RAB20: variants seen among roughly 807,000 people sequenced by gnomAD.
The protein encoded by RAB20 is RAB20, member RAS oncogene family.
In RAB20, 2 loss-of-function variants were observed where a neutral mutation model predicts 3.7. The observed-to-expected ratio is 0.54, with a 90% CI of 0.22 to 1.69. The LOEUF (loss-of-function observed/expected upper bound fraction) is 1.69, where lower values mean the gene tolerates loss of function less well. Ranked by LOEUF, RAB20 falls within the 40% of genes most tolerant of loss-of-function variation. RAB20 has a pLI of 0.19. For missense variants in RAB20, 276 were observed against 311.9 expected, an observed-to-expected ratio of 0.88 and a Z score of 0.87; for synonymous variants, 126 against 130.8, an observed-to-expected ratio of 0.96 and a Z score of 0.25.
intron 1 of RAB20, among the ~76,000 whole-genome samples, chr13:110,524,929 G>C (rs974465336): frequency 8.5e-5 from 13 of 152,248 alleles, no homozygotes; most frequent in Non-Finnish European, 1.3e-4. Context: ...GTTTAAAACA[G>C]ACAGAGGTGC....
intron 1 of RAB20, among the ~76,000 whole-genome samples, chr13:110,542,557 C>G (rs879863358): frequency 1.3e-5 from 2 of 152,186 alleles, no homozygotes; most frequent in Non-Finnish European, 2.9e-5. Flanking sequence ...TGTTCAGATG[C>G]CAGGCATCAG....
intron 1 of RAB20, among the ~76,000 whole-genome samples, chr13:110,526,189 C>CGAGT (rs1566582555): frequency 1.0e-5 from 1 of 100,070 alleles, no homozygotes; most frequent in Admixed American, 9.0e-5. Context: ...GAGCTGGGAA[C>CGAGT]GACTGACAGC....
At position 110,533,203 on chromosome 13, in the gene RAB20, C is replaced by T. The variant is rs933656494; in HGVS notation, c.173-9006G>A. On this transcript the variant is annotated intron_variant, in intron 1 of 1. Coordinates refer to ENST00000267328, the MANE Select transcript of RAB20 (RefSeq NM_017817.3). ...CATCAGAGATTGTTCAAAAACACCA[C>T]GACATGCTTTCTCCAGTGTTTGCAG... 2.6e-5 allele frequency among the ~76,000 whole-genome samples: 4 copies of T among 152,232 alleles called. No homozygotes were observed. The South Asian group carries it at 6.2e-4, about 24-fold the overall frequency.
chr13:110,538,628 GA>G (rs1354213256), intron 1 of RAB20, among the ~76,000 whole-genome samples: 2 of 142,330 alleles, frequency 1.4e-5, no homozygotes, highest in South Asian at 2.3e-4. Flanking sequence ...AGAAAGAAAA[GA>G]AAAGAAAAGA....
chr13:110,539,852 GC>G (rs1243925393), intron 1 of RAB20, among the ~76,000 whole-genome samples: 7 of 152,222 alleles, frequency 4.6e-5, no homozygotes, highest in South Asian at 2.1e-4. Flanking sequence ...GAGCCACCGC[GC>G]CCGGCCACAT....
At chr13:110,533,436 A>T (rs1437776881) in intron 1 of RAB20, among the ~76,000 whole-genome samples, 1 of 152,192 alleles carries the variant, frequency 6.6e-6, no homozygotes, top group African/African-American at 2.4e-5. Flanking sequence ...TAATCCTAGC[A>T]CTTCAGAAGG....
At chr13:110,544,034 C>T (rs76900541) in intron 1 of RAB20, among the ~76,000 whole-genome samples, 2,144 of 152,196 alleles carry the variant, frequency 0.014, 43 homozygotes, top group African/African-American at 0.049. Context: ...ACGTCAGCCT[C>T]CCAAAATGCT....
chr13:110,537,921 C>G (rs1428732246), intron 1 of RAB20, among the ~76,000 whole-genome samples: 1 of 152,096 alleles, frequency 6.6e-6, no homozygotes, highest in Non-Finnish European at 1.5e-5. Flanking sequence ...GGCTCCTATT[C>G]CCAACAACCA....
rs777822149 is a variant in RAB20, at chr13:110,561,421, C to G, written c.99G>C (p.Thr33=). The G allele has an allele frequency of 6.9e-5, 111 of 1,609,852 alleles. No individual in the cohort carries two copies. Among genetic ancestry groups the G allele is most frequent in the Non-Finnish European group, 8.9e-5 (105 of 1,178,128 alleles). The part of the protein sequence containing the change: ...QRYMERRFPD[T]VSTVGGAFYL... Reference sequence around the variant, plus strand: ...AGAAGGCGCCGCCCACCGTGCTGACCGTGTCCGGGAAGCGCCGCTCCATAT... The same window carrying G: ...AGAAGGCGCCGCCCACCGTGCTGACGGTGTCCGGGAAGCGCCGCTCCATAT... Residue 33 remains threonine, a synonymous_variant, in exon 1 of 2, where the codon ACG becomes ACC. Coordinates refer to ENST00000267328, the MANE Select transcript of RAB20 (RefSeq NM_017817.3).
rs1885127508 is a variant in RAB20, at chr13:110,561,361, G to A, written c.159C>T (p.Ile53=). Residue 53 remains isoleucine, a synonymous_variant, in exon 1 of 2, where the codon ATC becomes ATT. Coordinates refer to ENST00000267328, the MANE Select transcript of RAB20 (RefSeq NM_017817.3). ...CGCCGGCCTCACCTGCGGTGTCCCA[G>A]ATGGAGATGTTGTAGGAGCGCCACT... ...LKQWRSYNIS[I]WDTAGREQFH... 1 of 1,606,334 alleles carries A rather than the reference G, an allele frequency of 6.2e-7. No individual in the cohort carries two copies. The highest frequency in any genetic ancestry group is 1.3e-5 in the African/African-American group (1 of 74,164).
chr13:110,535,433 CAT>C (rs901884282), intron 1 of RAB20, among the ~76,000 whole-genome samples: 13 of 152,274 alleles, frequency 8.5e-5, no homozygotes, highest in African/African-American at 2.7e-4. Flanking sequence ...ATAAATAACA[CAT>C]GAGGCTAATT....
In RAB20 at chr13:110,523,588, G is replaced by A. The variant is rs1037330502; in HGVS notation, c.*77C>T. The stretch of plus-strand genomic sequence containing the variant: ...GGAAAATAATTCCTTGCTGTTCCTT[G>A]CTCCTTTCAGATCACAGCTTGCCTG... On this transcript the variant is annotated 3_prime_UTR_variant, in exon 2 of 2. Coordinates refer to ENST00000267328, the MANE Select transcript of RAB20 (RefSeq NM_017817.3). 1 of 1,545,042 alleles carries A rather than the reference G, an allele frequency of 6.5e-7. No individual in the cohort carries two copies. The highest frequency in any genetic ancestry group is 8.7e-7 in the Non-Finnish European group (1 of 1,145,930).
At chr13:110,550,358 C>A (rs1226825928) in intron 1 of RAB20, among the ~76,000 whole-genome samples, 3 of 152,170 alleles carry the variant, frequency 2.0e-5, no homozygotes, top group Non-Finnish European at 4.4e-5. Context: ...CGTTTCCCAG[C>A]AAATTAATTG....
chr13:110,540,636 G>C (rs1462338787), intron 1 of RAB20, among the ~76,000 whole-genome samples: 2 of 151,952 alleles, frequency 1.3e-5, no homozygotes, highest in Non-Finnish European at 2.9e-5. Context: ...CAGCTACTCG[G>C]GAGGCTGAGG....
intron 1 of RAB20, among the ~76,000 whole-genome samples, chr13:110,549,459 C>A (rs1009029457): frequency 1.4e-4 from 21 of 146,920 alleles, no homozygotes; most frequent in African/African-American, 5.5e-4. Context: ...ATTCTTACAG[C>A]CATTGTTACA....
At chr13:110,558,874 G>A (rs1015793644) in intron 1 of RAB20, among the ~76,000 whole-genome samples, 2 of 151,070 alleles carry the variant, frequency 1.3e-5, no homozygotes, top group Admixed American at 1.3e-4. Flanking sequence ...ACTTTTGTAT[G>A]TTTAGTAGAG....
intron 1 of RAB20, among the ~76,000 whole-genome samples, chr13:110,554,586 G>A (rs1302831311): frequency 6.6e-6 from 1 of 152,138 alleles, no homozygotes; most frequent in East Asian, 1.9e-4. Context: ...TCACGGGAAC[G>A]AGCACTTACA....
At chr13:110,556,294 GGCTGGTTCAGAGGGAT>G (rs1885037780) in intron 1 of RAB20, among the ~76,000 whole-genome samples, 1 of 152,172 alleles carries the variant, frequency 6.6e-6, no homozygotes, top group Non-Finnish European at 1.5e-5. Flanking sequence ...GAAGCAGAGG[GGCTGGTTCAGAGGGAT>G]GCTGTGTAGG....
At chr13:110,534,336 T>G (rs577571729) in intron 1 of RAB20, among the ~76,000 whole-genome samples, 1 of 152,246 alleles carries the variant, frequency 6.6e-6, no homozygotes, top group South Asian at 2.1e-4. Context: ...CTCACTTGCT[T>G]CCCTGGGATG....
Sources: allele counts gnomAD v4.1 joint callset (sites outside exome capture counted in the v4.1 genomes callset), GRCh38; gene constraint gnomAD v4.1.1; transcripts MANE v1.5; gene names NCBI Gene and HGNC (gene_info 2026-07-23, HGNC 2026-07-21).